The following CNTNAP2 variants were observed in gnomAD, a reference collection of about 807,000 sequenced individuals.
The protein encoded by CNTNAP2 is contactin-associated protein-like 2.
CNTNAP2 carries 98 observed loss-of-function variants against 155.2 expected under a neutral mutation model. The ratio of observed to expected loss-of-function variants is 0.63; its 90% CI spans 0.54 to 0.75. The LOEUF is 0.75. Among genes scored for constraint, CNTNAP2 ranks in the 30% least tolerant of loss-of-function variants. The pLI, the probability that CNTNAP2 is intolerant of heterozygous loss-of-function variation, is 0.00. For missense variants in CNTNAP2, 1,727 were observed against 1,688.1 expected (o/e 1.02, Z -0.40); for synonymous variants, 651 against 631.2 (o/e 1.03, Z -0.47).
chr7:147,364,913 T>G (rs562935865), intron 9 of CNTNAP2, among the ~76,000 whole-genome samples: 1 of 152,244 alleles, frequency 6.6e-6, no homozygotes, highest in East Asian at 1.9e-4. Flanking sequence ...AATGTTTAAT[T>G]TTGATATACT....
chr7:147,302,055 C>T (rs565319846), intron 9 of CNTNAP2, among the ~76,000 whole-genome samples: 47 of 152,182 alleles, frequency 3.1e-4, no homozygotes, highest in African/African-American at 5.5e-4. Flanking sequence ...GATGAGTAGA[C>T]GAAAGTCAAA....
intron 1 of CNTNAP2, among the ~76,000 whole-genome samples, chr7:146,199,776 A>C (rs879362116): frequency 1.2e-4 from 18 of 152,310 alleles, no homozygotes; most frequent in Admixed American, 1.1e-3. Flanking sequence ...TGTAGAATCA[A>C]TGTGACAATG....
intron 13 of CNTNAP2, among the ~76,000 whole-genome samples, chr7:147,889,758 G>A (rs534113232): frequency 6.6e-6 from 1 of 152,270 alleles, no homozygotes; most frequent in African/African-American, 2.4e-5. Context: ...TATAGCTAGT[G>A]AGACTGAAAA....
intron 3 of CNTNAP2, among the ~76,000 whole-genome samples, chr7:147,026,543 A>G (rs902051798): frequency 2.6e-5 from 4 of 152,034 alleles, no homozygotes; most frequent in Non-Finnish European, 4.4e-5. Flanking sequence ...TTAAATATGG[A>G]AATGAATACA....
At chr7:148,270,900 G>A (rs1796766083) in intron 21 of CNTNAP2, among the ~76,000 whole-genome samples, 1 of 152,172 alleles carries the variant, frequency 6.6e-6, no homozygotes, top group South Asian at 2.1e-4. Flanking sequence ...GCAAAATGGG[G>A]AACACAAATG....
chr7:147,377,360 T>C (rs1442319620), intron 9 of CNTNAP2, among the ~76,000 whole-genome samples: 3 of 151,928 alleles, frequency 2.0e-5, no homozygotes, highest in African/African-American at 7.2e-5. Flanking sequence ...CATGCTATAG[T>C]CTACTTTTTG....
At chr7:146,930,972 C>T (rs998912528) in intron 3 of CNTNAP2, among the ~76,000 whole-genome samples, 1 of 152,094 alleles carries the variant, frequency 6.6e-6, no homozygotes, top group African/African-American at 2.4e-5. Context: ...CATAGACTCC[C>T]ACACAATAAT....
intron 17 of CNTNAP2, among the ~76,000 whole-genome samples, chr7:148,160,434 T>TA (rs1805500072): frequency 6.6e-6 from 1 of 151,702 alleles, no homozygotes; most frequent in Non-Finnish European, 1.5e-5. Context: ...AGAAAAAAGA[T>TA]AATAAATGAA....
rs563602088 is a variant in CNTNAP2, at chr7:146,919,150, G to A, written c.402+79246G>A. Among the ~76,000 whole-genome samples the A allele has an allele frequency of 6.6e-5, 10 of 152,210 alleles. No homozygotes were observed. The South Asian group carries it at 2.1e-3, about 32-fold the overall frequency. ...CCTTTCTTTGGTGTCTTCTTGTTTA[G>A]CTTAATAGTTGACCTTCTGAATGGT... On this transcript the variant is annotated intron_variant, in intron 3 of 23. Coordinates refer to ENST00000361727, the MANE Select transcript of CNTNAP2 (RefSeq NM_014141.6).
intron 2 of CNTNAP2, among the ~76,000 whole-genome samples, chr7:146,780,727 A>G (rs1311566019): frequency 1.3e-5 from 2 of 152,098 alleles, no homozygotes; most frequent in African/African-American, 4.8e-5. Context: ...TTGCAGGGAC[A>G]TGGATGAAGC....
chr7:146,585,764 G>GGAAA (rs954794046), intron 1 of CNTNAP2, among the ~76,000 whole-genome samples: 1 of 147,058 alleles, frequency 6.8e-6, no homozygotes, highest in South Asian at 2.2e-4. Context: ...AAGAAAGAAA[G>GGAAA]GAAAGAAAGA....
intron 4 of CNTNAP2, among the ~76,000 whole-genome samples, chr7:147,075,742 A>G (rs1048934875): frequency 1.3e-5 from 2 of 151,952 alleles, no homozygotes; most frequent in Admixed American, 6.6e-5. Flanking sequence ...TTAACTGGTC[A>G]TTTACATTAG....
intron 3 of CNTNAP2, among the ~76,000 whole-genome samples, chr7:147,024,726 A>G (rs34301071): frequency 0.11 from 17,087 of 152,170 alleles, 1,041 homozygotes; most frequent in Middle Eastern, 0.17. Context: ...ACTAATGTTA[A>G]CACATGTAGG....
At chr7:148,032,052 G>C (rs1221956381) in intron 15 of CNTNAP2, among the ~76,000 whole-genome samples, 1 of 152,072 alleles carries the variant, frequency 6.6e-6, no homozygotes. Context: ...GCAGCCGCGC[G>C]GTGCCCTAGA....
At chr7:147,554,690 T>C (rs919509744) in intron 11 of CNTNAP2, among the ~76,000 whole-genome samples, 2 of 152,078 alleles carry the variant, frequency 1.3e-5, no homozygotes, top group African/African-American at 2.4e-5. Flanking sequence ...ATACAGAAAT[T>C]ATATGCAGGG....
chr7:146,431,317 A>G (rs1330250273), intron 1 of CNTNAP2, among the ~76,000 whole-genome samples: 2 of 152,056 alleles, frequency 1.3e-5, no homozygotes, highest in Non-Finnish European at 2.9e-5. Flanking sequence ...AATGTCTTCA[A>G]TGTGTACAGA....
intron 1 of CNTNAP2, among the ~76,000 whole-genome samples, chr7:146,171,439 A>G (rs1798388784): frequency 6.6e-6 from 1 of 152,212 alleles, no homozygotes; most frequent in Non-Finnish European, 1.5e-5. Flanking sequence ...GGTTTAAAAA[A>G]AACCAGCAAA....
chr7:147,629,406 A>T (rs1051990448), intron 12 of CNTNAP2, among the ~76,000 whole-genome samples: 1 of 140,958 alleles, frequency 7.1e-6, no homozygotes, highest in African/African-American at 2.6e-5. Context: ...TCTGTCTCAA[A>T]AATAATAATA....
At chr7:146,330,440 G>T (rs1477720966) in intron 1 of CNTNAP2, among the ~76,000 whole-genome samples, 1 of 152,112 alleles carries the variant, frequency 6.6e-6, no homozygotes, top group Non-Finnish European at 1.5e-5. Context: ...AAACAAACCT[G>T]TTCTCACAGA....
Sources: gnomAD v4.1 joint callset for allele counts (sites outside exome capture counted in the v4.1 genomes callset) on GRCh38, gnomAD v4.1.1 for gene constraint, MANE v1.5 for transcripts, NCBI Gene and HGNC (gene_info 2026-07-23, HGNC 2026-07-21) for gene names.